The following PLEKHG7 variants were observed in gnomAD, a reference collection of about 807,000 sequenced individuals.
PLEKHG7 encodes the protein pleckstrin homology and RhoGEF domain containing G7.
PLEKHG7 carries 77 observed loss-of-function variants against 85.2 expected under a neutral mutation model. The ratio of observed to expected loss-of-function variants is 0.90; its 90% CI spans 0.75 to 1.09. The LOEUF (loss-of-function observed/expected upper bound fraction) is 1.09, where lower values mean the gene tolerates loss of function less well. PLEKHG7 is among the 50% of genes least tolerant of loss of function. The probability of loss-of-function intolerance (pLI) is 0.00; values close to 1 mark genes in which losing one functional copy is unlikely to be tolerated. For missense variants in PLEKHG7, 777 were observed against 804.3 expected (o/e 0.97, Z 0.41); for synonymous variants, 301 against 302.4 (o/e 1.00, Z 0.05).
intron 15 of PLEKHG7, among the ~76,000 whole-genome samples, chr12:92,767,391 GA>G (rs910784877): frequency 2.1e-4 from 32 of 152,204 alleles, no homozygotes; most frequent in African/African-American, 7.5e-4. Context: ...AGTTTTTGAG[GA>G]AAATGAATTC....
intron 15 of PLEKHG7, among the ~76,000 whole-genome samples, chr12:92,766,614 G>A (rs143374455): frequency 3.3e-3 from 494 of 149,426 alleles, no homozygotes; most frequent in African/African-American, 0.011. Context: ...AGGCTGAGGC[G>A]GGCAAATCAC....
At chr12:92,761,144 A>G (rs1367127813) in intron 13 of PLEKHG7, among the ~76,000 whole-genome samples, 2 of 152,228 alleles carry the variant, frequency 1.3e-5, no homozygotes, top group Admixed American at 1.3e-4. Flanking sequence ...CAGCCACCCT[A>G]GTGGTTTAGG....
intron 7 of PLEKHG7, 42 bp downstream of exon 7, chr12:92,737,563 AT>A (rs1481685870): frequency 6.3e-7 from 1 of 1,587,820 alleles, no homozygotes; most frequent in Admixed American, 1.8e-5. Flanking sequence ...GAAAATATTA[AT>A]TTGTTTTTTT....
chr12:92,764,492 A>G (rs1191868412), intron 15 of PLEKHG7, among the ~76,000 whole-genome samples: 1 of 152,178 alleles, frequency 6.6e-6, no homozygotes, highest in African/African-American at 2.4e-5. Context: ...TTAAATAACA[A>G]ATGTGATGCA....
intron 3 of PLEKHG7, among the ~76,000 whole-genome samples, chr12:92,708,790 T>C (rs928386717): frequency 6.6e-5 from 10 of 152,208 alleles, no homozygotes; most frequent in African/African-American, 2.4e-4. Flanking sequence ...CTAATTTTAT[T>C]GACCAAAGCA....
chr12:92,739,004 G>A (rs1465547048), intron 7 of PLEKHG7, among the ~76,000 whole-genome samples: 2 of 152,196 alleles, frequency 1.3e-5, no homozygotes, highest in South Asian at 2.1e-4. Context: ...AAAGTTCAGA[G>A]GTGGGAGAGA....
chr12:92,748,760 T>C (rs1872607445), intron 10 of PLEKHG7, among the ~76,000 whole-genome samples: 2 of 152,222 alleles, frequency 1.3e-5, no homozygotes, highest in Admixed American at 6.5e-5. Flanking sequence ...GTGCTCTTCA[T>C]ATCAGAACTA....
chr12:92,719,683 T>C (rs1871584399), intron 3 of PLEKHG7, among the ~76,000 whole-genome samples: 1 of 152,240 alleles, frequency 6.6e-6, no homozygotes, highest in Non-Finnish European at 1.5e-5. Context: ...TATTTTTTCT[T>C]AAAATTTGCA....
chr12:92,707,763 C>T (rs375311713), intron 3 of PLEKHG7, 91 bp downstream of exon 3: 28 of 1,595,282 alleles, frequency 1.8e-5, no homozygotes, highest in South Asian at 4.5e-5. Context: ...ACAAAGCTGA[C>T]GGTGTGTTAA....
chr12:92,745,441 T>C (rs751472505), intron 9 of PLEKHG7, 37 bp from the exon 10 acceptor site: 1 of 1,389,630 alleles, frequency 7.2e-7, no homozygotes, highest in Admixed American at 1.7e-5. Flanking sequence ...TCTCCTTAAC[T>C]TGTGTTCATC....
At chr12:92,740,177 C>T (rs1292875158) in intron 7 of PLEKHG7, among the ~76,000 whole-genome samples, 3 of 152,192 alleles carry the variant, frequency 2.0e-5, no homozygotes, top group African/African-American at 7.2e-5. Context: ...TGAATGCTTC[C>T]TGTCTTATGT....
chr12:92,728,938 T>G (rs1429590057), intron 3 of PLEKHG7, 55 bp from the exon 4 acceptor site: 14 of 1,191,180 alleles, frequency 1.2e-5, no homozygotes, highest in African/African-American at 1.6e-5. Flanking sequence ...ATAGCCATTC[T>G]GAGTGGTCTA....
rs932545195 is a variant in PLEKHG7 at position 92,706,564 on chromosome 12, G to A, written c.-68G>A. On this transcript the variant is annotated 5_prime_UTR_variant, in exon 2 of 17. In the 5' UTR this introduces an upstream ATG that the reference lacks. Coordinates refer to ENST00000344636, the MANE Select transcript of PLEKHG7 (RefSeq NM_001377329.1). ...GATGCAGAAATTGAGCACCCTCCAT[G>A]TGATCCAGAGAACAGCAACTCATAC... 1.3e-6 allele frequency: 2 copies of A among 1,509,318 alleles called. No individual in the cohort carries two copies. Among genetic ancestry groups the A allele is most frequent in the African/African-American group, 1.4e-5 (1 of 71,668 alleles). The allele number at this position is 1,509,318 out of a possible 1,614,324, so 93.5% of individuals were successfully genotyped here. A position where few individuals can be genotyped will look rare whatever the true frequency, so the allele number is the denominator to read the frequency against.
chr12:92,750,180 C>T (rs537496673), intron 10 of PLEKHG7, among the ~76,000 whole-genome samples: 118 of 151,906 alleles, frequency 7.8e-4, no homozygotes, highest in Non-Finnish European at 1.6e-3. Flanking sequence ...TCACAGTTCC[C>T]CTAAGCATAT....
At chr12:92,761,616 AAAGAAAGAAGAAAGAAAGAAAG>A in intron 13 of PLEKHG7, 114 bp from the exon 14 acceptor site, 1 of 1,032,056 alleles carries the variant, frequency 9.7e-7, no homozygotes, top group Non-Finnish European at 1.3e-6. Context: ...AAAAAGAAAG[AAAGAAAGAAGAAAGAAAGAAAG>A]AAAGAAAGAA....
intron 10 of PLEKHG7, among the ~76,000 whole-genome samples, chr12:92,746,400 C>G (rs1191645503): frequency 6.6e-6 from 1 of 152,188 alleles, no homozygotes; most frequent in Non-Finnish European, 1.5e-5. Context: ...TCCGCCCCAG[C>G]CTTGATATGC....
At position 92,722,747 on chromosome 12, in the gene PLEKHG7, T is replaced by C. The variant is rs1243904154; in HGVS notation, c.531-6246T>C. On this transcript the variant is annotated intron_variant, in intron 3 of 16. Transcript: ENST00000344636. Reference sequence around the variant, plus strand: ...TGCTTTTGTATATACATACAATTATTCATTTATGTTCCAGAACGGAAAAAC... The same window carrying C: ...TGCTTTTGTATATACATACAATTATCCATTTATGTTCCAGAACGGAAAAAC... Among the ~76,000 whole-genome samples the C allele has an allele frequency of 5.9e-5, 9 of 152,206 alleles. 1 individual carries two copies. The highest frequency in any genetic ancestry group is 3.3e-4 in the Admixed American group (5 of 15,284).
intron 9 of PLEKHG7, among the ~76,000 whole-genome samples, chr12:92,745,122 C>T (rs1872494318): frequency 6.6e-6 from 1 of 152,130 alleles, no homozygotes; most frequent in South Asian, 2.1e-4. Flanking sequence ...AAATCAAAGG[C>T]AGTATTTGTT....
intron 15 of PLEKHG7, among the ~76,000 whole-genome samples, chr12:92,766,789 G>A (rs780812313): frequency 6.6e-6 from 1 of 152,126 alleles, no homozygotes; most frequent in Non-Finnish European, 1.5e-5. Context: ...AAGGTCGCAC[G>A]ACTGCACTCC....
Sources: allele counts gnomAD v4.1 joint callset (sites outside exome capture counted in the v4.1 genomes callset), GRCh38; gene constraint gnomAD v4.1.1; transcripts MANE v1.5; gene names NCBI Gene and HGNC (gene_info 2026-07-23, HGNC 2026-07-21).